MARCHF1: variants seen among roughly 807,000 people sequenced by gnomAD.
MARCHF1 encodes the protein E3 ubiquitin-protein ligase MARCHF1.
A neutral mutation model predicts 54.2 loss-of-function variants in MARCHF1; 40 were observed. That is an observed-to-expected ratio of 0.74 (90% CI 0.57 to 0.96). The LOEUF (loss-of-function observed/expected upper bound fraction) is 0.96, where lower values mean the gene tolerates loss of function less well. Ranked by LOEUF, MARCHF1 falls within the 40% of genes least tolerant of loss-of-function variation. MARCHF1 has a pLI of 0.00. For missense variants in MARCHF1, 586 were observed against 656.5 expected, an observed-to-expected ratio of 0.89 and a Z score of 1.17; for synonymous variants, 236 against 236.3, an observed-to-expected ratio of 1.00 and a Z score of 0.01.
chr4:164,249,859 C>A (rs150978151), intron 1 of MARCHF1, among the ~76,000 whole-genome samples: 5 of 151,760 alleles, frequency 3.3e-5, no homozygotes, highest in East Asian at 1.9e-4. Flanking sequence ...GATTAGATAG[C>A]GCTTCCATTG....
chr4:164,137,677 A>C (rs1054875383), intron 1 of MARCHF1, among the ~76,000 whole-genome samples: 6 of 152,150 alleles, frequency 3.9e-5, no homozygotes, highest in Admixed American at 3.9e-4. Flanking sequence ...TTAACCTCTT[A>C]ATTTGGGGAA....
intron 5 of MARCHF1, among the ~76,000 whole-genome samples, chr4:163,632,994 C>T (rs1009760629): frequency 2.0e-5 from 3 of 152,168 alleles, no homozygotes; most frequent in Non-Finnish European, 4.4e-5. Context: ...CACGCTGACA[C>T]CTCACACTGC....
At position 163,541,030 on chromosome 4, in the gene MARCHF1, GA is replaced by G. The variant is rs1261173022; in HGVS notation, c.1339+4565del. Among the ~76,000 whole-genome samples the G allele has an allele frequency of 3.2e-4, 48 of 148,850 alleles. No homozygotes were observed. The East Asian group carries it at 8.6e-3, about 27-fold the overall frequency. Reference sequence around the variant, plus strand: ...CGAGAGGAGTGAAATCGTCTCAAAGGAAAAAAAAAATAACTAGTCAGTGACC... The same window carrying G: ...CGAGAGGAGTGAAATCGTCTCAAAGGAAAAAAAAATAACTAGTCAGTGACC... On this transcript the variant is annotated intron_variant, in intron 9 of 9. Coordinates refer to ENST00000514618, the MANE Select transcript of MARCHF1 (RefSeq NM_001394959.1).
intron 4 of MARCHF1, among the ~76,000 whole-genome samples, chr4:163,732,692 C>A (rs531043744): frequency 6.6e-6 from 1 of 152,060 alleles, no homozygotes; most frequent in African/African-American, 2.4e-5. Context: ...ACAATGCAAG[C>A]TAGAAAACAG....
chr4:164,174,739 A>T (rs1730618264), intron 1 of MARCHF1, among the ~76,000 whole-genome samples: 1 of 152,238 alleles, frequency 6.6e-6, no homozygotes, highest in Non-Finnish European at 1.5e-5. Context: ...TGCATTATTT[A>T]ACAGTAGTAG....
chr4:163,899,869 CCTTT>C (rs947190857), intron 3 of MARCHF1, among the ~76,000 whole-genome samples: 4 of 146,028 alleles, frequency 2.7e-5, no homozygotes, highest in African/African-American at 5.0e-5. Flanking sequence ...CCAAGCTATG[CCTTT>C]CTTTTTCTTT....
chr4:163,890,610 C>T (rs1750641108), intron 3 of MARCHF1, among the ~76,000 whole-genome samples: 2 of 152,144 alleles, frequency 1.3e-5, no homozygotes, highest in African/African-American at 4.8e-5. Flanking sequence ...TGGGTGAATA[C>T]AGGTTGACAA....
intron 1 of MARCHF1, among the ~76,000 whole-genome samples, chr4:164,347,922 T>C (rs2321375): frequency 0.98 from 149,844 of 152,306 alleles, 73,720 homozygotes; most frequent in Middle Eastern, 1. Context: ...TTTGTCAGTA[T>C]ATAGCATTTA....
intron 9 of MARCHF1, among the ~76,000 whole-genome samples, chr4:163,538,601 A>T (rs1738615840): frequency 6.6e-6 from 1 of 152,220 alleles, no homozygotes; most frequent in African/African-American, 2.4e-5. Context: ...GATTTCTCTT[A>T]TTAAGGTTAA....
At chr4:164,220,709 G>A (rs1192959611) in intron 1 of MARCHF1, among the ~76,000 whole-genome samples, 1 of 144,094 alleles carries the variant, frequency 6.9e-6, no homozygotes, top group East Asian at 2.0e-4. Flanking sequence ...ATGTATATAT[G>A]TAATATATAT....
intron 1 of MARCHF1, among the ~76,000 whole-genome samples, chr4:164,203,875 T>C (rs1731525895): frequency 6.6e-6 from 1 of 152,194 alleles, no homozygotes; most frequent in Admixed American, 6.5e-5. Flanking sequence ...GGGAAGTAAC[T>C]GGGTTACAAT....
intron 4 of MARCHF1, among the ~76,000 whole-genome samples, chr4:163,843,039 C>T (rs988256195): frequency 5.3e-5 from 8 of 152,180 alleles, no homozygotes; most frequent in South Asian, 2.1e-4. Flanking sequence ...AAGTAGTCCC[C>T]GGTGTTTATT....
intron 9 of MARCHF1, chr4:163,530,471 G>A (rs761494203): frequency 6.6e-6 from 1 of 151,702 alleles, no homozygotes; most frequent in Admixed American, 6.6e-5. Context: ...CAGTTTTTCT[G>A]AAGTCTGACT....
intron 1 of MARCHF1, among the ~76,000 whole-genome samples, chr4:164,135,939 T>C (rs951236173): frequency 5.9e-5 from 9 of 152,150 alleles, no homozygotes; most frequent in African/African-American, 1.7e-4. Flanking sequence ...AAGGTAAATA[T>C]TTTTTATACT....
chr4:163,982,504 G>T (rs767789461), intron 3 of MARCHF1, among the ~76,000 whole-genome samples: 16 of 152,194 alleles, frequency 1.1e-4, no homozygotes, highest in South Asian at 6.2e-4. Flanking sequence ...TATTGCAACT[G>T]CCCTTTGGCA....
At chr4:164,329,123 T>C (rs1579724767) in intron 1 of MARCHF1, among the ~76,000 whole-genome samples, 1 of 152,300 alleles carries the variant, frequency 6.6e-6, no homozygotes, top group East Asian at 1.9e-4. Context: ...CATTTGATCC[T>C]TGGAAGAAGA....
At chr4:164,122,955 C>G (rs1756102923) in intron 1 of MARCHF1, among the ~76,000 whole-genome samples, 1 of 151,928 alleles carries the variant, frequency 6.6e-6, no homozygotes, top group South Asian at 2.1e-4. Flanking sequence ...GAAAGCAATT[C>G]AAGAAATTCA....
intron 1 of MARCHF1, among the ~76,000 whole-genome samples, chr4:164,145,599 A>G (rs1729660026): frequency 6.6e-6 from 1 of 152,206 alleles, no homozygotes; most frequent in Non-Finnish European, 1.5e-5. Context: ...AGATTCAGAA[A>G]AGGCCTTCGA....
At chr4:163,555,245 G>T (rs1579058579) in intron 8 of MARCHF1, among the ~76,000 whole-genome samples, 1 of 152,086 alleles carries the variant, frequency 6.6e-6, no homozygotes, top group Admixed American at 6.6e-5. Flanking sequence ...TGGGGGTGTG[G>T]CCTAGGAATC....
Sources: gnomAD v4.1 joint callset for allele counts (sites outside exome capture counted in the v4.1 genomes callset) on GRCh38, gnomAD v4.1.1 for gene constraint, MANE v1.5 for transcripts, NCBI Gene and HGNC (gene_info 2026-07-23, HGNC 2026-07-21) for gene names.